Variants in ELL2 observed in about 807,000 individuals in gnomAD.
ELL2 encodes RNA polymerase II elongation factor ELL2.
In ELL2, 21 loss-of-function variants were observed where a neutral mutation model predicts 72.8. The observed-to-expected ratio is 0.29, with a 90% CI of 0.20 to 0.42. The LOEUF is 0.42. Ranked by LOEUF, ELL2 falls within the 10% of genes least tolerant of loss-of-function variation. The probability of loss-of-function intolerance (pLI) is 1.00; values close to 1 mark genes in which losing one functional copy is unlikely to be tolerated. For synonymous variants in ELL2, 266 were observed against 283.2 expected, an observed-to-expected ratio of 0.94 and a Z score of 0.61; for missense variants, 568 against 772.8, an observed-to-expected ratio of 0.73 and a Z score of 3.14.
In ELL2 at chr5:95,911,101, A is replaced by G. The variant is rs573493865; in HGVS notation, c.481+2670T>C. Among the ~76,000 whole-genome samples, 19 of 152,336 alleles carry G rather than the reference A, an allele frequency of 1.2e-4. No individual in the cohort carries two copies. The South Asian group carries it at 3.9e-3, about 32-fold the overall frequency. On this transcript the variant is annotated intron_variant, in intron 4 of 11. Coordinates refer to ENST00000237853, the MANE Select transcript of ELL2 (RefSeq NM_012081.6). Reference sequence around the variant, plus strand: ...TTTTGTTAGTATTGAAGGGTGATTGATATTTTAAAGAACTGGATGAATCAG... The same window carrying G: ...TTTTGTTAGTATTGAAGGGTGATTGGTATTTTAAAGAACTGGATGAATCAG...
chr5:95,929,908 T>A (rs1019968542), intron 2 of ELL2, among the ~76,000 whole-genome samples: 1 of 152,156 alleles, frequency 6.6e-6, no homozygotes, highest in African/African-American at 2.4e-5. Context: ...CTAGGCCAAG[T>A]GGCTTCCTGG....
chr5:95,960,402 C>G (rs1383765983), intron 1 of ELL2, among the ~76,000 whole-genome samples: 2 of 152,110 alleles, frequency 1.3e-5, no homozygotes, highest in Admixed American at 6.5e-5. Context: ...CGCGTCCCTT[C>G]TCGGTGCTTC....
chr5:95,899,658 G>A lies in ELL2; in HGVS notation c.955-848C>T, dbSNP rs545218862. Among the ~76,000 whole-genome samples the A allele has an allele frequency of 8.5e-5, 13 of 152,314 alleles. No homozygotes were observed. The South Asian group carries it at 1.9e-3, about 22-fold the overall frequency. ...TATAAATTCACATTTATGCTTAAAT[G>A]TAATGCTGTAGCTTGTATTCTGGCT... On this transcript the variant is annotated intron_variant, in intron 7 of 11. Coordinates refer to ENST00000237853, the MANE Select transcript of ELL2 (RefSeq NM_012081.6).
chr5:95,956,558 T>C (rs1273698596), intron 1 of ELL2, among the ~76,000 whole-genome samples: 1 of 152,206 alleles, frequency 6.6e-6, no homozygotes, highest in African/African-American at 2.4e-5. Flanking sequence ...AAGAACAGTC[T>C]TCTGCATTTA....
intron 7 of ELL2, among the ~76,000 whole-genome samples, chr5:95,899,666 G>A (rs968050989): frequency 1.3e-5 from 2 of 152,154 alleles, no homozygotes; most frequent in Admixed American, 6.5e-5. Context: ...ATGTAATGCT[G>A]TAGCTTGTAT....
At position 95,898,667 on chromosome 5, in the gene ELL2, G is replaced by A. The variant is rs1192457939; in HGVS notation, c.1098C>T (p.Pro366=). 2.5e-6 allele frequency: 4 copies of A among 1,613,192 alleles called. No homozygotes were observed. The highest frequency in any genetic ancestry group is 1.3e-5 in the African/African-American group (1 of 74,998). Residue 366 remains proline (P), a synonymous_variant, in exon 8 of 12, where the codon CCC becomes CCT. Coordinates refer to ENST00000237853, the MANE Select transcript of ELL2 (RefSeq NM_012081.6). Reference sequence around the variant, plus strand: ...GGGTAGGGATGGCAGCAGCCGCAGGGGGCAGCGGGAGGCCTGCAGCAGATT... The same window carrying A: ...GGGTAGGGATGGCAGCAGCCGCAGGAGGCAGCGGGAGGCCTGCAGCAGATT... ...SEKSAAGLPL[P]PAAAAIPTPP...
chr5:95,952,035 G>A (rs77874315), intron 1 of ELL2, among the ~76,000 whole-genome samples: 4,650 of 152,188 alleles, frequency 0.031, 112 homozygotes, highest in Admixed American at 0.075. Flanking sequence ...TAGAAACAGC[G>A]AAGATATGGA....
chr5:95,903,594 G>GTGCC (rs1193266672), intron 5 of ELL2, among the ~76,000 whole-genome samples: 1 of 152,046 alleles, frequency 6.6e-6, no homozygotes, highest in Non-Finnish European at 1.5e-5. Flanking sequence ...AAAGTACTTA[G>GTGCC]TGCCTGTTTT....
chr5:95,955,502 CA>C (rs1751594832), intron 1 of ELL2, among the ~76,000 whole-genome samples: 2 of 151,556 alleles, frequency 1.3e-5, no homozygotes, highest in Admixed American at 6.6e-5. Context: ...AGTACTGCCA[CA>C]GAAAAAAATA....
At chr5:95,890,353 T>C (rs1398484156) in intron 10 of ELL2, among the ~76,000 whole-genome samples, 2 of 152,206 alleles carry the variant, frequency 1.3e-5, no homozygotes, top group Admixed American at 6.5e-5. Context: ...TTGTCTCACG[T>C]AGGCTCCAGC....
chr5:95,911,693 G>A lies in ELL2; in HGVS notation c.481+2078C>T, dbSNP rs542200403. ...TGTGGCCAGTTTTGAACTCTGAGGC[G>A]AAGAATTGGAGGCAGTCCAGAGGAG... On this transcript the variant is annotated intron_variant, in intron 4 of 11. Transcript: ENST00000237853. Among the ~76,000 whole-genome samples the A allele has an allele frequency of 3.9e-5, 6 of 152,042 alleles. No individual in the cohort carries two copies. The East Asian group carries it at 5.8e-4, about 15-fold the overall frequency.
intron 4 of ELL2, among the ~76,000 whole-genome samples, chr5:95,910,611 C>T (rs1749552216): frequency 6.6e-6 from 1 of 152,116 alleles, no homozygotes; most frequent in Admixed American, 6.6e-5. Flanking sequence ...TGCAGAAACT[C>T]ATATTCCTGG....
intron 2 of ELL2, among the ~76,000 whole-genome samples, chr5:95,935,143 G>A (rs1192917217): frequency 6.6e-6 from 1 of 151,446 alleles, no homozygotes; most frequent in Non-Finnish European, 1.5e-5. Context: ...TCCCTTTTTT[G>A]GTTTTTAATA....
At chr5:95,909,820 C>A (rs957775717) in intron 4 of ELL2, among the ~76,000 whole-genome samples, 2 of 152,188 alleles carry the variant, frequency 1.3e-5, no homozygotes, top group African/African-American at 4.8e-5. Flanking sequence ...GTATTTACCC[C>A]TCAGTCTAAT....
At chr5:95,924,310 G>C (rs181161395) in intron 2 of ELL2, among the ~76,000 whole-genome samples, 1 of 152,206 alleles carries the variant, frequency 6.6e-6, no homozygotes, top group Non-Finnish European at 1.5e-5. Flanking sequence ...CGAGGAGGAG[G>C]AAGTGAAAAT....
chr5:95,932,929 A>G (rs1465232375), intron 2 of ELL2, among the ~76,000 whole-genome samples: 1 of 152,230 alleles, frequency 6.6e-6, no homozygotes, highest in African/African-American at 2.4e-5. Flanking sequence ...AAGCATGAAT[A>G]GTATAAAGGA....
intron 9 of ELL2, among the ~76,000 whole-genome samples, chr5:95,893,091 T>G (rs1267992877): frequency 1.3e-5 from 2 of 152,228 alleles, no homozygotes; most frequent in East Asian, 3.8e-4. Context: ...AAAGCATACC[T>G]TCAGTATTTT....
At chr5:95,942,719 G>C (rs1751013905) in intron 2 of ELL2, among the ~76,000 whole-genome samples, 1 of 152,056 alleles carries the variant, frequency 6.6e-6, no homozygotes, top group South Asian at 2.1e-4. Context: ...ATAATACCTT[G>C]ATGTACGTTA....
At chr5:95,900,925 T>G (rs199824173) in intron 6 of ELL2, 31 bp downstream of exon 6, 62 of 1,576,726 alleles carry the variant, frequency 3.9e-5, no homozygotes, top group Non-Finnish European at 4.6e-5. Context: ...TAAAGAAACA[T>G]TTTTTTAAAA....
Sources: gnomAD v4.1 joint callset for allele counts (sites outside exome capture counted in the v4.1 genomes callset) on GRCh38, gnomAD v4.1.1 for gene constraint, MANE v1.5 for transcripts, NCBI Gene and HGNC (gene_info 2026-07-23, HGNC 2026-07-21) for gene names.